The following NUP98 variants were observed in gnomAD, a reference collection of about 807,000 sequenced individuals.
The protein encoded by NUP98 is nucleoporin 98 and 96 precursor.
Under a neutral mutation model 191.9 loss-of-function variants are expected in NUP98, and 26 were observed. The observed-to-expected ratio is 0.14, with a 90% CI of 0.10 to 0.19. NUP98 has a LOEUF of 0.19. NUP98 is among the 10% of genes least tolerant of loss of function. The probability of loss-of-function intolerance (pLI) is 1.00; values close to 1 mark genes in which losing one functional copy is unlikely to be tolerated. For missense variants in NUP98, 1,941 were observed against 2,178.8 expected (o/e 0.89, Z 2.17); for synonymous variants, 808 against 778.4 (o/e 1.04, Z -0.63).
At chr11:3,753,292 G>A (rs1328247210) in intron 11 of NUP98, 24 bp downstream of exon 11, 14 of 1,567,408 alleles carry the variant, frequency 8.9e-6, no homozygotes, top group Non-Finnish European at 1.2e-5. Flanking sequence ...TCACTTCCTA[G>A]ATCTCATGGT....
intron 1 of NUP98, among the ~76,000 whole-genome samples, chr11:3,793,220 G>A (rs928895381): frequency 6.6e-6 from 1 of 152,150 alleles, no homozygotes; most frequent in East Asian, 1.9e-4. Flanking sequence ...ATCTGTATGA[G>A]GCTAGATTTT....
chr11:3,726,778 TTTTC>T (rs573601864), intron 14 of NUP98, among the ~76,000 whole-genome samples: 122 of 151,944 alleles, frequency 8.0e-4, no homozygotes, highest in South Asian at 7.3e-3. Context: ...GATTACCAAC[TTTTC>T]TTTCTTTTTT....
chr11:3,763,387 G>C (rs922083121), intron 8 of NUP98, among the ~76,000 whole-genome samples: 1 of 152,124 alleles, frequency 6.6e-6, no homozygotes, highest in Non-Finnish European at 1.5e-5. Context: ...AGAGATGTCA[G>C]GGTTGCAACA....
intron 12 of NUP98, among the ~76,000 whole-genome samples, chr11:3,736,093 T>G (rs1277309970): frequency 6.8e-6 from 1 of 146,116 alleles, no homozygotes; most frequent in Non-Finnish European, 1.5e-5. Context: ...TGTGTGTGTG[T>G]GTGTGTTTTG....
intron 1 of NUP98, among the ~76,000 whole-genome samples, chr11:3,785,157 A>T (rs903224422): frequency 6.6e-6 from 1 of 151,904 alleles, no homozygotes; most frequent in Non-Finnish European, 1.5e-5. Flanking sequence ...AAATGAATAA[A>T]AAAAAAAAAT....
intron 20 of NUP98, among the ~76,000 whole-genome samples, chr11:3,707,507 G>C (rs964830305): frequency 2.0e-5 from 3 of 151,832 alleles, no homozygotes; most frequent in Non-Finnish European, 2.9e-5. Context: ...CAGCACTTTG[G>C]GAGGCCGAGG....
intron 1 of NUP98, among the ~76,000 whole-genome samples, chr11:3,790,508 C>A (rs1013100926): frequency 6.6e-6 from 1 of 152,168 alleles, no homozygotes; most frequent in Non-Finnish European, 1.5e-5. Context: ...ACCATTTTCA[C>A]AATAAAACTA....
At chr11:3,737,573 G>A (rs2080115611) in intron 12 of NUP98, among the ~76,000 whole-genome samples, 1 of 152,188 alleles carries the variant, frequency 6.6e-6, no homozygotes, top group Non-Finnish European at 1.5e-5. Context: ...CTGGCAGTGA[G>A]CCAAGGTCGT....
At chr11:3,765,228 C>T (rs1344974317) in intron 8 of NUP98, among the ~76,000 whole-genome samples, 1 of 152,096 alleles carries the variant, frequency 6.6e-6, no homozygotes, top group Non-Finnish European at 1.5e-5. Context: ...CTCATTATGT[C>T]GCTCAGGCTA....
At chr11:3,709,844 GT>G (rs36044479) in intron 20 of NUP98, among the ~76,000 whole-genome samples, 75,014 of 84,182 alleles carry the variant, frequency 0.89, 32,931 homozygotes, top group Admixed American at 0.93. Context: ...AGGGGGGAGG[GT>G]ATAGCTTTAG....
At chr11:3,687,799 C>T (rs528882526) in intron 28 of NUP98, among the ~76,000 whole-genome samples, 2 of 152,312 alleles carry the variant, frequency 1.3e-5, no homozygotes, top group South Asian at 2.1e-4. Context: ...CGGTGGCTCA[C>T]GCCTGTAATC....
intron 27 of NUP98, among the ~76,000 whole-genome samples, chr11:3,692,326 AAAAAAAAAC>A: frequency 6.6e-6 from 1 of 151,292 alleles, no homozygotes; most frequent in Non-Finnish European, 1.5e-5. Context: ...TCGATTGAAA[AAAAAAAAAC>A]AAAAAAAAAC....
At chr11:3,767,111 C>T (rs2081364732) in intron 8 of NUP98, among the ~76,000 whole-genome samples, 3 of 152,020 alleles carry the variant, frequency 2.0e-5, no homozygotes. Flanking sequence ...ATTAGTCACC[C>T]GCCACCCAGC....
At chr11:3,738,628 A>T (rs2080162351) in intron 12 of NUP98, among the ~76,000 whole-genome samples, 1 of 151,984 alleles carries the variant, frequency 6.6e-6, no homozygotes, top group African/African-American at 2.4e-5. Context: ...AAAATACAAG[A>T]ATTAGCCGGG....
intron 11 of NUP98, among the ~76,000 whole-genome samples, chr11:3,747,578 A>G (rs1458195811): frequency 6.6e-6 from 1 of 152,236 alleles, no homozygotes; most frequent in Non-Finnish European, 1.5e-5. Context: ...GCCAAGGGTC[A>G]GTATAAAACC....
chr11:3,797,448 C>T lies in NUP98; in HGVS notation c.-77G>A, dbSNP rs1034908418. 2 of 414,272 alleles carry T rather than the reference C, an allele frequency of 4.8e-6. No individual in the cohort carries two copies. The highest frequency in any genetic ancestry group is 4.1e-5 in the African/African-American group (2 of 48,664). 25.7% of individuals were successfully genotyped at this position (414,272 alleles called of 1,614,324 possible). On this transcript the variant is annotated 5_prime_UTR_variant, in exon 1 of 33. Transcript: ENST00000324932. ...GTGTCAGGAGTCCCCTGCTGCCACC[C>T]GCCGCTCACAGAGCAGCGCGCGGCC... is the stretch of plus-strand genomic sequence containing the variant.
chr11:3,685,743 A>G (rs1338878969), intron 29 of NUP98, among the ~76,000 whole-genome samples: 3 of 152,300 alleles, frequency 2.0e-5, no homozygotes, highest in African/African-American at 4.8e-5. Flanking sequence ...ACTTTGTGAT[A>G]AATATTATAA....
intron 20 of NUP98, 58 bp from the exon 21 acceptor site, chr11:3,706,685 T>A: frequency 6.9e-7 from 1 of 1,450,600 alleles, no homozygotes; most frequent in Non-Finnish European, 9.6e-7. Flanking sequence ...CAGAAATAGA[T>A]TCTAAATCAG....
chr11:3,687,980 T>G (rs956277665), intron 28 of NUP98, among the ~76,000 whole-genome samples: 5 of 152,178 alleles, frequency 3.3e-5, no homozygotes, highest in African/African-American at 1.2e-4. Context: ...CATTAGACAT[T>G]AGGGAAATGC....
Sources: gnomAD v4.1 joint callset for allele counts (sites outside exome capture counted in the v4.1 genomes callset) on GRCh38, gnomAD v4.1.1 for gene constraint, MANE v1.5 for transcripts, NCBI Gene and HGNC (gene_info 2026-07-23, HGNC 2026-07-21) for gene names.